The following APBB2 variants were observed in gnomAD, a reference collection of about 807,000 sequenced individuals.
APBB2 encodes the protein amyloid beta precursor protein binding family B member 2.
APBB2 carries 38 observed loss-of-function variants against 82.5 expected under a neutral mutation model. The observed-to-expected ratio is 0.46, with a 90% confidence interval of 0.36 to 0.60. The LOEUF (loss-of-function observed/expected upper bound fraction) is 0.60. Ranked by LOEUF, APBB2 falls within the 20% of genes least tolerant of loss-of-function variation. APBB2 has a pLI of 0.00. For synonymous variants in APBB2, 341 were observed against 368.2 expected (o/e 0.93, Z 0.85); for missense variants, 772 against 972.3 (o/e 0.79, Z 2.74).
chr4:40,893,343 A>G lies in APBB2; in HGVS notation c.1323T>C (p.Ser441=), dbSNP rs769836657. ...GCCTGATGCAGTTGTTGACCGCAACACTACTTTTACCGGGGGCGAGGTCCT... is the reference window on the plus strand; with the variant it reads ...GCCTGATGCAGTTGTTGACCGCAACGCTACTTTTACCGGGGGCGAGGTCCT... The part of the protein sequence containing the change: ...AEEDLAPGKS[S]VAVNNCIRQL... The change falls in exon 11 of 18, where the codon AGT becomes AGC. Residue 441 remains serine (S), a synonymous_variant. Coordinates refer to ENST00000508593, the MANE Select transcript of APBB2 (RefSeq NM_004307.2). The G allele has an allele frequency of 3.7e-6, 6 of 1,613,570 alleles. No homozygotes were observed. In the African/African-American group the frequency reaches 6.7e-5, roughly 18 times the overall value.
chr4:40,844,879 T>G (rs143010491), intron 12 of APBB2, among the ~76,000 whole-genome samples: 105 of 152,366 alleles, frequency 6.9e-4, no homozygotes, highest in African/African-American at 2.5e-3. Flanking sequence ...GTTTTCAATT[T>G]CTTATTTTTA....
intron 2 of APBB2, chr4:41,118,266 G>A (rs11935270): frequency 0.14 from 21,866 of 152,020 alleles, 1,654 homozygotes; most frequent in Non-Finnish European, 0.16. Flanking sequence ...GATCTAATTA[G>A]CCACTAGTCG....
chr4:41,173,010 C>G (rs185719828), intron 1 of APBB2, among the ~76,000 whole-genome samples: 39 of 152,326 alleles, frequency 2.6e-4, no homozygotes, highest in African/African-American at 9.1e-4. Flanking sequence ...TCACTTCCCT[C>G]TGCAGCCTCG....
chr4:41,156,517 G>A (rs1289478642), intron 1 of APBB2, among the ~76,000 whole-genome samples: 1 of 152,102 alleles, frequency 6.6e-6, no homozygotes, highest in East Asian at 1.9e-4. Context: ...ATTTAGCAGT[G>A]TTTTGTTTTA....
intron 6 of APBB2, among the ~76,000 whole-genome samples, chr4:40,992,638 G>C (rs535391269): frequency 1.3e-5 from 2 of 152,326 alleles, no homozygotes; most frequent in African/African-American, 4.8e-5. Context: ...TGAGGTGTGT[G>C]AAATGACTGG....
At chr4:41,045,087 G>T (rs1409057461) in intron 4 of APBB2, among the ~76,000 whole-genome samples, 2 of 151,684 alleles carry the variant, frequency 1.3e-5, no homozygotes, top group Admixed American at 1.3e-4. Context: ...AGTATTTGTA[G>T]TATTTAGTTG....
intron 2 of APBB2, among the ~76,000 whole-genome samples, chr4:41,120,146 T>C (rs890628654): frequency 6.6e-6 from 1 of 152,234 alleles, no homozygotes; most frequent in African/African-American, 2.4e-5. Context: ...CCTGGCTCCA[T>C]GCCAGCTGTG....
Position 41,134,137 on chromosome 4 carries a change from A to AT in APBB2, c.-261+8849dup, listed in dbSNP as rs35906021. Among the ~76,000 whole-genome samples the AT allele has an allele frequency of 6.9e-4, 105 of 151,618 alleles. 1 individual carries two copies. In the South Asian group the frequency reaches 0.011, roughly 16 times the overall value. On this transcript the variant is annotated intron_variant, in intron 2 of 17. Transcript: ENST00000508593. ...AGGCATGTGCCACCATACCTGGCTA[A>AT]TTTTTTTTTAAGTTAATTAATTTTT...
intron 12 of APBB2, among the ~76,000 whole-genome samples, chr4:40,855,238 C>T (rs891499976): frequency 2.0e-5 from 3 of 152,186 alleles, no homozygotes; most frequent in Non-Finnish European, 2.9e-5. Context: ...ATGGGCCCCA[C>T]GCCAGCATAG....
rs113266816 is a variant in APBB2 at position 40,829,803 on chromosome 4, G to GCAGGAC, written c.1644+659_1644+660insGTCCTG. Among the ~76,000 whole-genome samples the GCAGGAC allele has an allele frequency of 1.8e-3, 270 of 152,268 alleles. 3 individuals carry two copies. In the East Asian group the frequency reaches 0.02, roughly 12 times the overall value. On this transcript the variant is annotated intron_variant, in intron 13 of 17. Coordinates refer to ENST00000508593, the MANE Select transcript of APBB2 (RefSeq NM_004307.2). ...TGAGGCTGTGACTCTGGTTAAGGAAGTCTCACTAGCATGAGACCACAGTCT... is the reference window on the plus strand; with the variant it reads ...TGAGGCTGTGACTCTGGTTAAGGAAGCAGGACTCTCACTAGCATGAGACCACAGTCT...
intron 17 of APBB2, among the ~76,000 whole-genome samples, chr4:40,817,557 C>T (rs1056351555): frequency 1.3e-5 from 2 of 152,058 alleles, no homozygotes; most frequent in Non-Finnish European, 2.9e-5. Flanking sequence ...AGAGGGCAGA[C>T]TTCTCCTATG....
rs562248710 is a variant in APBB2 at position 40,817,082 on chromosome 4, AT to A, written c.2113-824del. On this transcript the variant is annotated intron_variant, in intron 17 of 17. Coordinates refer to ENST00000508593, the MANE Select transcript of APBB2 (RefSeq NM_004307.2). ...TAGATAAAAAGTTAAAATTTATCAA[AT>A]TTTTTTTTTTCTAATCCAAACGTTT... Among the ~76,000 whole-genome samples, 808 of 149,768 alleles carry A rather than the reference AT, an allele frequency of 5.4e-3. 8 individuals carry two copies. Among genetic ancestry groups the A allele is most frequent in the African/African-American group, 0.018 (746 of 41,110 alleles).
At chr4:40,934,950 C>T (rs1785046870) in intron 8 of APBB2, 127 bp downstream of exon 8, 1 of 836,266 alleles carries the variant, frequency 1.2e-6, no homozygotes, top group African/African-American at 1.7e-5. Flanking sequence ...CTGAATGCCC[C>T]TAGCAAGAAG....
At chr4:41,015,726 G>C (rs1809723470) in intron 5 of APBB2, among the ~76,000 whole-genome samples, 1 of 152,140 alleles carries the variant, frequency 6.6e-6, no homozygotes, top group Non-Finnish European at 1.5e-5. Flanking sequence ...GTAACCCCAA[G>C]GGTTAGGATC....
intron 10 of APBB2, among the ~76,000 whole-genome samples, chr4:40,917,593 C>T (rs1268906377): frequency 6.6e-6 from 1 of 151,998 alleles, no homozygotes; most frequent in Non-Finnish European, 1.5e-5. Context: ...GAGAAAAAAA[C>T]ACCAAAAATA....
chr4:40,935,251 T>C, intron 7 of APBB2, 112 bp from the exon 8 acceptor site: 1 of 783,910 alleles, frequency 1.3e-6, no homozygotes, highest in Non-Finnish European at 2.0e-6. Flanking sequence ...ATTCACAAGA[T>C]GGGTTAGGGA....
intron 4 of APBB2, among the ~76,000 whole-genome samples, chr4:41,033,786 T>C (rs1718043810): frequency 1.3e-5 from 2 of 152,132 alleles, no homozygotes; most frequent in Non-Finnish European, 2.9e-5. Context: ...TTCCTTTATA[T>C]AGAAAGAGTT....
intron 12 of APBB2, among the ~76,000 whole-genome samples, chr4:40,886,237 G>C (rs1770220216): frequency 6.6e-6 from 1 of 152,202 alleles, no homozygotes; most frequent in Non-Finnish European, 1.5e-5. Flanking sequence ...CCGGCACTTT[G>C]GGAGGCCGAG....
intron 12 of APBB2, among the ~76,000 whole-genome samples, chr4:40,831,141 T>TGTA (rs1751752557): frequency 6.6e-6 from 1 of 152,200 alleles, no homozygotes; most frequent in African/African-American, 2.4e-5. Context: ...GGCTCATGCC[T>TGTA]GTAATCCCAG....
Sources: allele counts gnomAD v4.1 joint callset (sites outside exome capture counted in the v4.1 genomes callset), GRCh38; gene constraint gnomAD v4.1.1; transcripts MANE v1.5; gene names NCBI Gene and HGNC (gene_info 2026-07-23, HGNC 2026-07-21).